The following NFYC variants were observed in gnomAD, a reference collection of about 807,000 sequenced individuals.
NFYC encodes CAAT box DNA-binding protein subunit C.
A neutral mutation model predicts 53.1 loss-of-function variants in NFYC; 25 were observed. The observed-to-expected ratio is 0.47, with a 90% CI of 0.34 to 0.66. The LOEUF (loss-of-function observed/expected upper bound fraction) is 0.66. Among genes scored for constraint, NFYC ranks in the 30% least tolerant of loss-of-function variants. The probability of loss-of-function intolerance (pLI) is 0.01; values close to 1 mark genes in which losing one functional copy is unlikely to be tolerated. For synonymous variants in NFYC, 145 were observed against 152.6 expected, an observed-to-expected ratio of 0.95 and a Z score of 0.37; for missense variants, 260 against 422.7, an observed-to-expected ratio of 0.62 and a Z score of 3.38.
intron 5 of NFYC, among the ~76,000 whole-genome samples, chr1:40,755,915 C>G (rs1646191004): frequency 6.6e-6 from 1 of 152,040 alleles, no homozygotes; most frequent in African/African-American, 2.4e-5. Context: ...ACAAAAAGAT[C>G]ATATTCAATA....
rs372363230 is a variant in NFYC, at chr1:40,753,161, T to C, written c.302T>C (p.Ile101Thr). ...TCTTCTTTGTTACAGAGAAATGATA[T>C]CGCCATGGCAATTACAAAATTTGAT... ...NKRRTLQRND[I>T]AMAITKFDQF... The change falls in exon 5 of 10, where the codon ATC becomes ACC. Residue 101 changes from isoleucine to threonine, a missense_variant. Coordinates refer to ENST00000447388, the MANE Select transcript of NFYC (RefSeq NM_014223.5). 1.9e-6 allele frequency: 3 copies of C among 1,612,352 alleles called. No individual in the cohort carries two copies. Among genetic ancestry groups the C allele is most frequent in the Non-Finnish European group, 2.5e-6 (3 of 1,178,532 alleles).
intron 1 of NFYC, among the ~76,000 whole-genome samples, chr1:40,693,777 C>T (rs1016663100): frequency 3.9e-5 from 6 of 152,214 alleles, no homozygotes; most frequent in African/African-American, 1.4e-4. Flanking sequence ...ACTAATGAAA[C>T]TTCCAGATAA....
chr1:40,706,753 A>G (rs1053707586), intron 1 of NFYC, among the ~76,000 whole-genome samples: 7 of 152,250 alleles, frequency 4.6e-5, no homozygotes, highest in Admixed American at 4.6e-4. Flanking sequence ...TCCAAAATCC[A>G]TAAGAAAATC....
At chr1:40,726,125 GT>G (rs967130567) in intron 1 of NFYC, among the ~76,000 whole-genome samples, 4 of 126,476 alleles carry the variant, frequency 3.2e-5, no homozygotes, top group African/African-American at 1.1e-4. Flanking sequence ...GTGTGTGTGT[GT>G]TTTTTTTTGA....
chr1:40,700,054 G>T (rs539343238), intron 1 of NFYC, among the ~76,000 whole-genome samples: 1 of 152,306 alleles, frequency 6.6e-6, no homozygotes, highest in South Asian at 2.1e-4. Context: ...CAGTTGAGCA[G>T]TTCTGGTGTA....
intron 7 of NFYC, among the ~76,000 whole-genome samples, chr1:40,765,239 G>A (rs1646753178): frequency 6.6e-6 from 1 of 152,192 alleles, no homozygotes; most frequent in Non-Finnish European, 1.5e-5. Context: ...ATATTCTCAG[G>A]AAAGAAATGA....
At chr1:40,741,133 G>A (rs1645319391) in intron 2 of NFYC, among the ~76,000 whole-genome samples, 1 of 152,114 alleles carries the variant, frequency 6.6e-6, no homozygotes, top group Non-Finnish European at 1.5e-5. Context: ...ATACCTCATA[G>A]AAGTGGGATC....
At chr1:40,702,191 G>T (rs1431803397) in intron 1 of NFYC, among the ~76,000 whole-genome samples, 1 of 152,164 alleles carries the variant, frequency 6.6e-6, no homozygotes, top group Admixed American at 6.5e-5. Context: ...TTCAGAATTT[G>T]TCATCTCCTT....
chr1:40,708,068 CATT>C (rs1351500697), intron 1 of NFYC, among the ~76,000 whole-genome samples: 1 of 152,034 alleles, frequency 6.6e-6, no homozygotes, highest in Non-Finnish European at 1.5e-5. Flanking sequence ...TTTTTCTTGT[CATT>C]ATTCCCTAAA....
rs564846949 is a variant in NFYC, at chr1:40,753,909, T to C, written c.387+663T>C. Among the ~76,000 whole-genome samples, 4 of 152,284 alleles carry C rather than the reference T, an allele frequency of 2.6e-5. No individual in the cohort carries two copies. In the East Asian group the frequency reaches 7.7e-4, roughly 29 times the overall value. ...TGAACGTCTGCCTTCCCGTCTCTTC[T>C]GCCTGCCCCTCTCCAAAGGTCACAC... On this transcript the variant is annotated intron_variant, in intron 5 of 9. Transcript: ENST00000447388.
At chr1:40,753,275 C>T in intron 5 of NFYC, 29 bp downstream of exon 5, 1 of 1,520,626 alleles carries the variant, frequency 6.6e-7, no homozygotes, top group Non-Finnish European at 9.1e-7. Flanking sequence ...GCAGTTGCTG[C>T]TGACTGAAGA....
rs144226220 is a variant in NFYC, at chr1:40,760,538, G to A, written c.561+2244G>A. On this transcript the variant is annotated intron_variant, in intron 6 of 9. Transcript: ENST00000447388. ...GTTCAAGACCAGCCTGGCCAATATGGTGAAACCCCATCTCTACTAAAAATA... is the reference window on the plus strand; with the variant it reads ...GTTCAAGACCAGCCTGGCCAATATGATGAAACCCCATCTCTACTAAAAATA... Among the ~76,000 whole-genome samples, 1,110 of 152,198 alleles carry A rather than the reference G, an allele frequency of 7.3e-3. 11 individuals carry two copies. The highest frequency in any genetic ancestry group is 0.026 in the African/African-American group (1,061 of 41,528).
At chr1:40,698,164 A>G (rs1570283985) in intron 1 of NFYC, among the ~76,000 whole-genome samples, 1 of 152,064 alleles carries the variant, frequency 6.6e-6, no homozygotes, top group Admixed American at 6.5e-5. Context: ...AGAGTTTGTG[A>G]CCAGCCTGGC....
intron 1 of NFYC, among the ~76,000 whole-genome samples, chr1:40,702,011 C>G (rs1486081486): frequency 1.3e-5 from 2 of 152,150 alleles, no homozygotes; most frequent in Non-Finnish European, 2.9e-5. Flanking sequence ...ACATCCCTGT[C>G]AAGTGTTCAA....
intron 1 of NFYC, among the ~76,000 whole-genome samples, chr1:40,717,876 T>C (rs978601946): frequency 7.2e-5 from 11 of 152,238 alleles, no homozygotes; most frequent in African/African-American, 2.7e-4. Flanking sequence ...CACATGATCA[T>C]TGTAGCACCA....
intron 2 of NFYC, among the ~76,000 whole-genome samples, chr1:40,740,724 T>G (rs1456184980): frequency 2.0e-5 from 3 of 152,228 alleles, no homozygotes; most frequent in Non-Finnish European, 2.9e-5. Context: ...AATCTCATGA[T>G]TAAGCTTATC....
At position 40,771,394 on chromosome 1, in the gene NFYC, C is replaced by T. The variant is rs1295132726; in HGVS notation, c.*566C>T. On this transcript the variant is annotated 3_prime_UTR_variant, in exon 10 of 10. Transcript: ENST00000447388. The stretch of plus-strand genomic sequence containing the variant: ...TATTTGCATCCAGAGGCCATGGAAA[C>T]ATTCTTTGCATTTAAGAGACAGATT... 1 of 470,076 alleles carries T rather than the reference C, an allele frequency of 2.1e-6. No individual in the cohort carries two copies. The highest frequency in any genetic ancestry group is 4.4e-6 in the Non-Finnish European group (1 of 226,536). 29.1% of individuals were successfully genotyped at this position (470,076 alleles called of 1,614,324 possible).
At chr1:40,768,100 AATT>A (rs1227660047) in intron 8 of NFYC, among the ~76,000 whole-genome samples, 1 of 152,264 alleles carries the variant, frequency 6.6e-6, no homozygotes, top group Non-Finnish European at 1.5e-5. Context: ...AACAGGTTGT[AATT>A]ATGACAACCT....
rs778310780 is a variant in NFYC at position 40,749,590 on chromosome 1, G to T, written c.195G>T (p.Ala65=). Residue 65 remains alanine, a synonymous_variant, in exon 4 of 10, where the codon GCG becomes GCT. Transcript: ENST00000447388. ...TGTTACAGATGATCAGTGCAGAAGCGCCTGTACTCTTTGCCAAGGCAGCCC... is the reference window on the plus strand; with the variant it reads ...TGTTACAGATGATCAGTGCAGAAGCTCCTGTACTCTTTGCCAAGGCAGCCC... ...DEDVKMISAE[A]PVLFAKAAQI... is the part of the protein sequence containing the mutation. 1 of 1,613,864 alleles carries T rather than the reference G, an allele frequency of 6.2e-7. No individual in the cohort carries two copies.
Sources: allele counts gnomAD v4.1 joint callset (sites outside exome capture counted in the v4.1 genomes callset), GRCh38; gene constraint gnomAD v4.1.1; transcripts MANE v1.5; gene names NCBI Gene and HGNC (gene_info 2026-07-23, HGNC 2026-07-21).